Variants in TENM3 observed in about 807,000 individuals in gnomAD.
TENM3 encodes teneurin-3.
TENM3 carries 63 observed loss-of-function variants against 255.1 expected under a neutral mutation model. The ratio of observed to expected loss-of-function variants is 0.25; its 90% CI spans 0.20 to 0.30. TENM3 has a LOEUF of 0.30. TENM3 is among the 10% of genes least tolerant of loss of function. The pLI is 1.00. For synonymous variants in TENM3, 1,306 were observed against 1,322.3 expected, an observed-to-expected ratio of 0.99 and a Z score of 0.27; for missense variants, 2,929 against 3,461.1, an observed-to-expected ratio of 0.85 and a Z score of 3.86.
At chr4:182,665,789 A>G (rs891853071) in intron 6 of TENM3, among the ~76,000 whole-genome samples, 1 of 152,076 alleles carries the variant, frequency 6.6e-6, no homozygotes, top group Non-Finnish European at 1.5e-5. Flanking sequence ...CCAGCTACTC[A>G]GGAGGCTGAG....
the TENM3 span, among the ~76,000 whole-genome samples, chr4:181,809,899 C>A: frequency 6.6e-6 from 1 of 152,064 alleles, no homozygotes; most frequent in Non-Finnish European, 1.5e-5. Flanking sequence ...ACACTCTCCC[C>A]GGAGCCCCCA....
the TENM3 span, among the ~76,000 whole-genome samples, chr4:181,581,516 C>A: frequency 1.3e-5 from 2 of 152,088 alleles, no homozygotes; most frequent in South Asian, 2.1e-4. Context: ...TACTATCTTG[C>A]ATTTAGCAGT....
chr4:182,571,384 G>T (rs981586945), intron 3 of TENM3, among the ~76,000 whole-genome samples: 4 of 152,098 alleles, frequency 2.6e-5, no homozygotes, highest in African/African-American at 9.7e-5. Flanking sequence ...AAATTAGCTG[G>T]GCATGGTGAC....
intron 3 of TENM3, among the ~76,000 whole-genome samples, chr4:182,585,505 T>C (rs568741060): frequency 6.6e-6 from 1 of 152,156 alleles, no homozygotes. Flanking sequence ...GGCTTTGCTC[T>C]CCTGCATTGC....
chr4:181,659,513 G>A, the TENM3 span, among the ~76,000 whole-genome samples: 1 of 152,084 alleles, frequency 6.6e-6, no homozygotes, highest in African/African-American at 2.4e-5. Context: ...ATATTCTTTT[G>A]GTGACTGATG....
At chr4:181,453,052 G>A in the TENM3 span, among the ~76,000 whole-genome samples, 1 of 152,200 alleles carries the variant, frequency 6.6e-6, no homozygotes, top group Non-Finnish European at 1.5e-5. Context: ...AGTATTTAGA[G>A]TGCTGAAAGA....
chr4:181,846,870 A>C, the TENM3 span, among the ~76,000 whole-genome samples: 3 of 152,244 alleles, frequency 2.0e-5, no homozygotes, highest in African/African-American at 7.2e-5. Context: ...TATGGACCAC[A>C]CTTTAAGAAA....
At chr4:182,495,865 C>T (rs1462831746) in intron 3 of TENM3, among the ~76,000 whole-genome samples, 3 of 152,072 alleles carry the variant, frequency 2.0e-5, no homozygotes, top group Admixed American at 6.5e-5. Context: ...TTGAATATCC[C>T]GTCCCTAATT....
the TENM3 span, among the ~76,000 whole-genome samples, chr4:181,775,152 C>A: frequency 6.6e-6 from 1 of 152,138 alleles, no homozygotes; most frequent in South Asian, 2.1e-4. Context: ...TGACTCCCCC[C>A]ATACAGGGCC....
At position 182,679,353 on chromosome 4, in the gene TENM3, G is replaced by A. The variant is rs1755926808; in HGVS notation, c.1327-313G>A. ...AAATGTCAGTTCATGTAGATTTTAT[G>A]TTTGTATCCCCAAACTGCCTAAACT... On this transcript the variant is annotated intron_variant, in intron 7 of 27. Coordinates refer to ENST00000511685, the MANE Select transcript of TENM3 (RefSeq NM_001080477.4). Among the ~76,000 whole-genome samples, 4 of 152,240 alleles carry A rather than the reference G, an allele frequency of 2.6e-5. No individual in the cohort carries two copies. The South Asian group carries it at 8.3e-4, about 32-fold the overall frequency.
chr4:181,464,346 G>T, the TENM3 span, among the ~76,000 whole-genome samples: 6,702 of 152,166 alleles, frequency 0.044, 475 homozygotes, highest in African/African-American at 0.15. Flanking sequence ...TAGCCATTCT[G>T]GTGGGTATGT....
chr4:181,710,171 G>A, the TENM3 span, among the ~76,000 whole-genome samples: 3 of 152,072 alleles, frequency 2.0e-5, no homozygotes, highest in African/African-American at 4.8e-5. Flanking sequence ...TCAGAGAAGA[G>A]GCTTGAGGAC....
intron 12 of TENM3, chr4:182,698,233 T>G (rs1372749472): frequency 6.6e-6 from 1 of 152,174 alleles, no homozygotes; most frequent in Non-Finnish European, 1.5e-5. Context: ...AGTTTAGCCT[T>G]AAATACTACC....
chr4:181,640,068 C>T, the TENM3 span, among the ~76,000 whole-genome samples: 1 of 152,116 alleles, frequency 6.6e-6, no homozygotes, highest in Non-Finnish European at 1.5e-5. Flanking sequence ...CAGCACTCAC[C>T]AAAAGGAGAA....
the TENM3 span, among the ~76,000 whole-genome samples, chr4:181,945,829 A>G: frequency 2.0e-5 from 3 of 152,132 alleles, no homozygotes; most frequent in African/African-American, 7.2e-5. Flanking sequence ...TTGACTGGTA[A>G]ATATCAAGAC....
chr4:181,987,345 C>T, the TENM3 span, among the ~76,000 whole-genome samples: 1 of 152,112 alleles, frequency 6.6e-6, no homozygotes, highest in Non-Finnish European at 1.5e-5. Flanking sequence ...AGAAAACCAA[C>T]GGAGCCCCTG....
chr4:182,469,442 C>T (rs908197379), intron 3 of TENM3, among the ~76,000 whole-genome samples: 4 of 152,128 alleles, frequency 2.6e-5, no homozygotes, highest in Admixed American at 6.5e-5. Flanking sequence ...AGGCCAAGCA[C>T]GGTGGCTCAT....
the TENM3 span, among the ~76,000 whole-genome samples, chr4:181,563,205 T>G: frequency 1.6e-4 from 25 of 152,172 alleles, no homozygotes. Flanking sequence ...GCAGGGCTGG[T>G]TCCTTCCAGG....
chr4:182,069,352 T>C, the TENM3 span, among the ~76,000 whole-genome samples: 1 of 152,164 alleles, frequency 6.6e-6, no homozygotes, highest in Non-Finnish European at 1.5e-5. Context: ...CATCATGAAA[T>C]AAATTCAACA....
Sources: gnomAD v4.1 joint callset for allele counts (sites outside exome capture counted in the v4.1 genomes callset) on GRCh38, gnomAD v4.1.1 for gene constraint, MANE v1.5 for transcripts, NCBI Gene and HGNC (gene_info 2026-07-23, HGNC 2026-07-21) for gene names.